Variants in CAMTA1 observed in about 807,000 individuals in gnomAD.
CAMTA1 encodes the protein calmodulin-binding transcription activator 1.
In CAMTA1, 27 loss-of-function variants were observed where a neutral mutation model predicts 170.9. The ratio of observed to expected loss-of-function variants is 0.16; its 90% CI spans 0.12 to 0.22. The LOEUF (loss-of-function observed/expected upper bound fraction) is 0.22, where lower values mean the gene tolerates loss of function less well. CAMTA1 is among the 10% of genes least tolerant of loss of function. The probability of loss-of-function intolerance (pLI) is 1.00; values close to 1 mark genes in which losing one functional copy is unlikely to be tolerated. For synonymous variants in CAMTA1, 833 were observed against 891.5 expected (o/e 0.93, Z 1.17); for missense variants, 1,619 against 2,217.2 (o/e 0.73, Z 5.42).
chr1:7,498,973 GT>G (rs2093904430), intron 6 of CAMTA1, among the ~76,000 whole-genome samples: 1 of 126,194 alleles, frequency 7.9e-6, no homozygotes, highest in African/African-American at 3.3e-5. Context: ...GATTGTGTGA[GT>G]CTGGTGTGCG....
Position 7,324,761 on chromosome 1 carries a change from C to T in CAMTA1, c.438+75135C>T, listed in dbSNP as rs532416362. On this transcript the variant is annotated intron_variant, in intron 5 of 22. Coordinates refer to ENST00000303635, the MANE Select transcript of CAMTA1 (RefSeq NM_015215.4). ...GGTGGAGGTTGCAGTGACCCGAGAT[C>T]GCGCCACTGCACTCCAGCCTGGGTG... 1.1e-4 allele frequency among the ~76,000 whole-genome samples: 17 copies of T among 149,792 alleles called. No individual in the cohort carries two copies. In the South Asian group the frequency reaches 3.4e-3, roughly 30 times the overall value.
intron 5 of CAMTA1, among the ~76,000 whole-genome samples, chr1:7,376,633 A>C (rs1268631695): frequency 6.6e-6 from 1 of 152,182 alleles, no homozygotes; most frequent in Non-Finnish European, 1.5e-5. Flanking sequence ...CCTAAGAGGT[A>C]AGTGTCATCA....
At chr1:7,135,471 G>T (rs946911015) in intron 4 of CAMTA1, among the ~76,000 whole-genome samples, 2 of 152,288 alleles carry the variant, frequency 1.3e-5, no homozygotes, top group South Asian at 2.1e-4. Flanking sequence ...ATACACTGCT[G>T]GTAGGGATGC....
chr1:7,761,651 T>C (rs1369821396), intron 22 of CAMTA1, among the ~76,000 whole-genome samples: 1 of 152,170 alleles, frequency 6.6e-6, no homozygotes. Context: ...AAAATTCTTG[T>C]CTATATTTAC....
intron 4 of CAMTA1, among the ~76,000 whole-genome samples, chr1:7,212,076 C>T (rs1356233890): frequency 6.6e-6 from 1 of 152,058 alleles, no homozygotes; most frequent in Admixed American, 6.5e-5. Flanking sequence ...AGAAAGCAAA[C>T]CTACCAACTA....
intron 11 of CAMTA1, among the ~76,000 whole-genome samples, chr1:7,704,581 G>A (rs2096485623): frequency 6.7e-6 from 1 of 148,500 alleles, no homozygotes. Context: ...GAGCGGCTCC[G>A]CGCCCCGCAC....
intron 5 of CAMTA1, among the ~76,000 whole-genome samples, chr1:7,395,996 C>A (rs553597894): frequency 2.0e-5 from 3 of 152,022 alleles, no homozygotes; most frequent in Non-Finnish European, 4.4e-5. Flanking sequence ...TATATAAGAT[C>A]ATGTCATCTG....
chr1:7,763,669 G>C (rs1299296136), intron 22 of CAMTA1, among the ~76,000 whole-genome samples: 2 of 152,206 alleles, frequency 1.3e-5, no homozygotes, highest in Non-Finnish European at 2.9e-5. Context: ...GCTGATTATA[G>C]ATTCTTTGGT....
At chr1:7,597,543 C>T (rs1403100590) in intron 6 of CAMTA1, among the ~76,000 whole-genome samples, 5 of 152,164 alleles carry the variant, frequency 3.3e-5, no homozygotes, top group Admixed American at 1.3e-4. Flanking sequence ...TCAGGGTTCT[C>T]CATGTAACAG....
intron 1 of CAMTA1, among the ~76,000 whole-genome samples, chr1:6,810,128 T>C (rs775624340): frequency 1.3e-5 from 2 of 152,196 alleles, no homozygotes; most frequent in Non-Finnish European, 2.9e-5. Context: ...CTGGTTCCCA[T>C]GGGTCAGGCA....
chr1:7,724,659 C>T (rs948492249), intron 11 of CAMTA1, among the ~76,000 whole-genome samples: 2 of 151,672 alleles, frequency 1.3e-5, no homozygotes, highest in Non-Finnish European at 2.9e-5. Flanking sequence ...GGTGAAACTC[C>T]ATCAATACAA....
rs1288329803 is a variant in CAMTA1, at chr1:7,041,667, T to C, written c.235-49637T>C. 6.6e-6 allele frequency among the ~76,000 whole-genome samples: 1 copy of C among 152,246 alleles called. No homozygotes were observed. Among genetic ancestry groups the C allele is most frequent in the Non-Finnish European group, 1.5e-5 (1 of 68,042 alleles). On this transcript the variant is annotated intron_variant, in intron 3 of 22. Coordinates refer to ENST00000303635, the MANE Select transcript of CAMTA1 (RefSeq NM_015215.4). The surrounding 1 kb of genome is among the most constrained non-coding windows in gnomAD (Gnocchi z 5.1). Reference sequence around the variant, plus strand: ...TGGACATTTTCCTTTTAATGATCCTTGTACAATCCTTGGCAGAAAGGTTTG... The same window carrying C: ...TGGACATTTTCCTTTTAATGATCCTCGTACAATCCTTGGCAGAAAGGTTTG...
At chr1:7,563,567 G>A (rs1413702484) in intron 6 of CAMTA1, among the ~76,000 whole-genome samples, 2 of 152,212 alleles carry the variant, frequency 1.3e-5, no homozygotes, top group South Asian at 2.1e-4. Flanking sequence ...TCCACATCAG[G>A]GTGTTAGCAA....
At chr1:7,135,575 C>G (rs1222021517) in intron 4 of CAMTA1, among the ~76,000 whole-genome samples, 1 of 152,080 alleles carries the variant, frequency 6.6e-6, no homozygotes, top group Admixed American at 6.5e-5. Flanking sequence ...TTCCTCCCAC[C>G]TCTTTTTCAC....
chr1:7,618,761 C>G (rs2095577116), intron 6 of CAMTA1, among the ~76,000 whole-genome samples: 2 of 152,144 alleles, frequency 1.3e-5, no homozygotes, highest in African/African-American at 4.8e-5. Context: ...AGTTTCTTCT[C>G]CCATTATGAG....
intron 5 of CAMTA1, among the ~76,000 whole-genome samples, chr1:7,281,681 C>T (rs147450263): frequency 3.3e-5 from 5 of 152,198 alleles, no homozygotes; most frequent in South Asian, 2.1e-4. Context: ...ATATCACTGT[C>T]CATTCAATTT....
chr1:7,207,523 C>T (rs1296265893), intron 4 of CAMTA1, among the ~76,000 whole-genome samples: 8 of 152,064 alleles, frequency 5.3e-5, no homozygotes, highest in Admixed American at 3.9e-4. Flanking sequence ...TTTTTCCAAC[C>T]GACACAATCA....
chr1:7,663,686 G>A lies in CAMTA1; in HGVS notation c.1139G>A (p.Gly380Asp), dbSNP rs766072514. The A allele has an allele frequency of 4.3e-6, 7 of 1,613,988 alleles. No homozygotes were observed. In the African/African-American group the frequency reaches 8.0e-5, roughly 18 times the overall value. Residue 380 changes from glycine (G) to aspartate (D), a missense_variant, in exon 9 of 23, where the codon GGT (glycine) becomes GAT (aspartate). By Grantham distance (94) the Gly-to-Asp change is moderately conservative (BLOSUM62 -1). Transcript: ENST00000303635. ...PDMVDSPVVT[G>D]VSGMAVASVM... Reference sequence around the variant, plus strand: ...ATGGTGGACAGCCCGGTGGTCACAGGTGTGTCCGGTATGGCGGTGGCCTCT... The same window carrying A: ...ATGGTGGACAGCCCGGTGGTCACAGATGTGTCCGGTATGGCGGTGGCCTCT...
chr1:7,368,034 A>C (rs904788850), intron 5 of CAMTA1, among the ~76,000 whole-genome samples: 1 of 151,344 alleles, frequency 6.6e-6, no homozygotes, highest in African/African-American at 2.4e-5. Context: ...CACTGGGTGC[A>C]GGCCCTGGGC....
Sources: allele counts gnomAD v4.1 joint callset (sites outside exome capture counted in the v4.1 genomes callset), GRCh38; gene constraint gnomAD v4.1.1; non-coding constraint Gnocchi (gnomAD v3.1); transcripts MANE v1.5; gene names NCBI Gene and HGNC (gene_info 2026-07-23, HGNC 2026-07-21).